CHEK1: variants seen among roughly 807,000 people sequenced by gnomAD.
CHEK1 encodes the protein checkpoint kinase 1.
A neutral mutation model predicts 60.2 loss-of-function variants in CHEK1; 32 were observed. The ratio of observed to expected loss-of-function variants is 0.53; its 90% CI spans 0.40 to 0.71. The LOEUF is 0.71. CHEK1 is among the 30% of genes least tolerant of loss of function. The pLI is 0.00. For synonymous variants in CHEK1, 179 were observed against 187.2 expected (o/e 0.96, Z 0.36); for missense variants, 399 against 564.6 (o/e 0.71, Z 2.97).
At chr11:125,629,899 T>C (rs775595521) in intron 5 of CHEK1, among the ~76,000 whole-genome samples, 3 of 152,006 alleles carry the variant, frequency 2.0e-5, no homozygotes, top group Admixed American at 1.3e-4. Context: ...TAATTTTTGA[T>C]TTTTTGAAGA....
At chr11:125,673,110 G>A (rs561242061) in intron 13 of CHEK1, among the ~76,000 whole-genome samples, 2 of 151,502 alleles carry the variant, frequency 1.3e-5, no homozygotes, top group East Asian at 3.9e-4. Context: ...TCTCTCAAAA[G>A]TCATAGAGAT....
intron 13 of CHEK1, chr11:125,672,038 A>G (rs906825628): frequency 1.5e-4 from 23 of 152,418 alleles, no homozygotes; most frequent in African/African-American, 5.5e-4. Context: ...ACTACTGAAG[A>G]CTAGAAACTC....
intron 6 of CHEK1, among the ~76,000 whole-genome samples, chr11:125,633,560 G>T (rs932114930): frequency 6.6e-6 from 1 of 152,006 alleles, no homozygotes; most frequent in African/African-American, 2.4e-5. Flanking sequence ...CAATCCTCTG[G>T]CCTCACTCTT....
chr11:125,656,991 T>G lies in CHEK1; in HGVS notation c.*1671T>G, dbSNP rs1448865039. 5.2e-6 allele frequency: 1 copy of G among 193,426 alleles called. No homozygotes were observed. The highest frequency in any genetic ancestry group is 1.1e-5 in the Non-Finnish European group (1 of 92,848). The allele number at this position is 193,426 out of a possible 1,614,324, so 12.0% of individuals were successfully genotyped here. A position where few individuals can be genotyped will look rare whatever the true frequency, so the allele number is the denominator to read the frequency against. Reference sequence around the variant, plus strand: ...TAGAGTTATTTTAATCTTTAATGCTTTAATGTGTAGGAAGAGTATAGTGTC... The same window carrying G: ...TAGAGTTATTTTAATCTTTAATGCTGTAATGTGTAGGAAGAGTATAGTGTC... On this transcript the variant is annotated 3_prime_UTR_variant, in exon 13 of 13. Coordinates refer to ENST00000438015, the MANE Select transcript of CHEK1 (RefSeq NM_001114122.3).
At chr11:125,665,249 G>A (rs1275783626) in intron 13 of CHEK1, among the ~76,000 whole-genome samples, 1 of 125,886 alleles carries the variant, frequency 7.9e-6, no homozygotes, top group East Asian at 2.2e-4. Flanking sequence ...TTTGGTTTCT[G>A]TCCTTGATTC....
chr11:125,631,827 A>G (rs1038574786), intron 5 of CHEK1, among the ~76,000 whole-genome samples: 4 of 138,406 alleles, frequency 2.9e-5, no homozygotes, highest in Non-Finnish European at 6.0e-5. Context: ...ACATCACTAC[A>G]CTCTAGTCTG....
rs1940551225 is a variant in CHEK1 at position 125,625,616 on chromosome 11, G to T, written c.-417G>T. ...AGAGCGGCCAGGAGCGAAGCCCGCAGCCCCGCCTGGAAGCGCAGCGCGGTC... is the reference window on the plus strand; with the variant it reads ...AGAGCGGCCAGGAGCGAAGCCCGCATCCCCGCCTGGAAGCGCAGCGCGGTC... On this transcript the variant is annotated 5_prime_UTR_variant, in exon 1 of 13. Transcript: ENST00000438015. The T allele has an allele frequency of 3.4e-6, 2 of 596,330 alleles. No individual in the cohort carries two copies. The highest frequency in any genetic ancestry group is 2.8e-5 in the East Asian group (1 of 36,198). The allele number at this position is 596,330 out of a possible 1,614,324, so 36.9% of individuals were successfully genotyped here.
intron 11 of CHEK1, among the ~76,000 whole-genome samples, chr11:125,646,991 T>G (rs1337663973): frequency 6.6e-6 from 1 of 152,182 alleles, no homozygotes; most frequent in African/African-American, 2.4e-5. Context: ...ATCTATAATT[T>G]CTCTTTTGTT....
chr11:125,625,740 C>A lies in CHEK1; in HGVS notation c.-293C>A. ...CACCGGATGCCACTTCATATTTGGG[C>A]CCAGAGCTCAATTCGCGCCGATGCG... On this transcript the variant is annotated 5_prime_UTR_variant, in exon 1 of 13. Coordinates refer to ENST00000438015, the MANE Select transcript of CHEK1 (RefSeq NM_001114122.3). 1.5e-6 allele frequency: 1 copy of A among 674,702 alleles called. No individual in the cohort carries two copies. The highest frequency in any genetic ancestry group is 2.7e-6 in the Non-Finnish European group (1 of 365,972). The allele number at this position is 674,702 out of a possible 1,614,324, so 41.8% of individuals were successfully genotyped here. A position where few individuals can be genotyped will look rare whatever the true frequency, so the allele number is the denominator to read the frequency against.
downstream of CHEK1, among the ~76,000 whole-genome samples, chr11:125,659,101 CTGGTTAT>C (rs1173366409): frequency 6.6e-6 from 1 of 152,014 alleles, no homozygotes; most frequent in African/African-American, 2.4e-5. Flanking sequence ...CAGTTTAGCA[CTGGTTAT>C]TGAAAAGATC....
chr11:125,625,616 G>A lies in CHEK1; in HGVS notation c.-417G>A. On this transcript the variant is annotated 5_prime_UTR_variant, in exon 1 of 13. Transcript: ENST00000438015. The stretch of plus-strand genomic sequence containing the variant: ...AGAGCGGCCAGGAGCGAAGCCCGCA[G>A]CCCCGCCTGGAAGCGCAGCGCGGTC... 3.4e-6 allele frequency: 2 copies of A among 596,330 alleles called. No homozygotes were observed. The highest frequency in any genetic ancestry group is 2.0e-5 in the South Asian group (1 of 49,906). 36.9% of individuals were successfully genotyped at this position (596,330 alleles called of 1,614,324 possible).
chr11:125,673,266 G>A (rs1409591207), intron 13 of CHEK1, among the ~76,000 whole-genome samples: 3 of 149,662 alleles, frequency 2.0e-5, no homozygotes, highest in Non-Finnish European at 4.4e-5. Flanking sequence ...GTGCAGTGGT[G>A]CAACCTCAGC....
chr11:125,675,273 T>A (rs1942442038), intron 13 of CHEK1, among the ~76,000 whole-genome samples: 1 of 152,246 alleles, frequency 6.6e-6, no homozygotes, highest in South Asian at 2.1e-4. Flanking sequence ...GCACCTCTAA[T>A]CTTTCCTTTC....
downstream of CHEK1, chr11:125,657,187 T>TTTTGTGTGTGTGTGTGTGTGTGTG (rs140073080): frequency 3.4e-4 from 50 of 147,220 alleles, no homozygotes; most frequent in African/African-American, 9.5e-4. Context: ...CAACCTATGC[T>TTTTGTGTGTGTGTGTGTGTGTGTG]TGTGTGTGTG....
downstream of CHEK1, chr11:125,676,281 T>TG: frequency 6.5e-7 from 1 of 1,541,484 alleles, no homozygotes; most frequent in Non-Finnish European, 8.9e-7. Flanking sequence ...CCTGGGCCCC[T>TG]GTCATTCCAA....
chr11:125,659,754 A>G (rs2136075330), downstream of CHEK1, among the ~76,000 whole-genome samples: 1 of 152,268 alleles, frequency 6.6e-6, no homozygotes, highest in Non-Finnish European at 1.5e-5. Context: ...TTTAAAGTGC[A>G]CTTCTGTGGT....
downstream of CHEK1, among the ~76,000 whole-genome samples, chr11:125,677,133 A>T (rs1942548533): frequency 6.6e-6 from 1 of 152,334 alleles, no homozygotes; most frequent in African/African-American, 2.4e-5. Context: ...GTGACATTGG[A>T]CATATTACAT....
chr11:125,678,180 T>G, downstream of CHEK1: 1 of 1,614,150 alleles, frequency 6.2e-7, no homozygotes, highest in Non-Finnish European at 8.5e-7. Context: ...TGAAGAAGTC[T>G]CATATAAAGC....
chr11:125,628,847 G>T (rs1940738407), intron 3 of CHEK1, among the ~76,000 whole-genome samples: 1 of 152,112 alleles, frequency 6.6e-6, no homozygotes, highest in Non-Finnish European at 1.5e-5. Flanking sequence ...GCTTAGATTT[G>T]CCCAGACTTC....
Sources: gnomAD v4.1 joint callset for allele counts (sites outside exome capture counted in the v4.1 genomes callset) on GRCh38, gnomAD v4.1.1 for gene constraint, MANE v1.5 for transcripts, NCBI Gene and HGNC (gene_info 2026-07-23, HGNC 2026-07-21) for gene names.